ANO4: variants seen among roughly 807,000 people sequenced by gnomAD.
The protein encoded by ANO4 is anoctamin 4.
In ANO4, 69 loss-of-function variants were observed where a neutral mutation model predicts 141.9. That is an observed-to-expected ratio of 0.49 (90% CI 0.40 to 0.59). The LOEUF is 0.59. Among genes scored for constraint, ANO4 ranks in the 20% least tolerant of loss-of-function variants. ANO4 has a pLI of 0.00. For missense variants in ANO4, 894 were observed against 1,162.2 expected, an observed-to-expected ratio of 0.77 and a Z score of 3.36; for synonymous variants, 350 against 394.3, an observed-to-expected ratio of 0.89 and a Z score of 1.33.
At chr12:101,126,577 C>T (rs1336150111) in intron 26 of ANO4, among the ~76,000 whole-genome samples, 2 of 152,182 alleles carry the variant, frequency 1.3e-5, no homozygotes, top group African/African-American at 4.8e-5. Context: ...GCAGTGAAAG[C>T]TACCAGCTTC....
At chr12:101,092,176 A>C (rs1446272355) in intron 17 of ANO4, among the ~76,000 whole-genome samples, 1 of 152,168 alleles carries the variant, frequency 6.6e-6, no homozygotes, top group Non-Finnish European at 1.5e-5. Flanking sequence ...CAGCCATGCC[A>C]ATCTGAATCA....
intron 1 of ANO4, among the ~76,000 whole-genome samples, chr12:100,877,012 G>A (rs1229739364): frequency 1.3e-5 from 2 of 152,146 alleles, no homozygotes; most frequent in Non-Finnish European, 2.9e-5. Context: ...AATGAAATAA[G>A]CCAGGTACTG....
At chr12:100,730,802 T>TG (rs1439143746) in intron 1 of ANO4, among the ~76,000 whole-genome samples, 2 of 152,040 alleles carry the variant, frequency 1.3e-5, no homozygotes, top group Non-Finnish European at 2.9e-5. Flanking sequence ...CACATACACT[T>TG]GCTAGAATTA....
chr12:100,975,020 T>TA, intron 7 of ANO4, 131 bp downstream of exon 7: 1 of 1,036,952 alleles, frequency 9.6e-7, no homozygotes, highest in Non-Finnish European at 1.5e-6. Context: ...ATGCACATTT[T>TA]AAAATCAGCT....
intron 1 of ANO4, among the ~76,000 whole-genome samples, chr12:100,841,533 A>C (rs1402403281): frequency 2.0e-5 from 3 of 152,112 alleles, no homozygotes; most frequent in African/African-American, 7.2e-5. Flanking sequence ...TAGAATAATG[A>C]ATAGGGGGTT....
At position 100,922,321 on chromosome 12, in the gene ANO4, A is replaced by G; in HGVS notation, c.151A>G (p.Ile51Val). The G allele has an allele frequency of 6.5e-7, 1 of 1,527,248 alleles. No individual in the cohort carries two copies. Among genetic ancestry groups the G allele is most frequent in the Non-Finnish European group, 8.7e-7 (1 of 1,144,052 alleles). 94.6% of individuals were successfully genotyped at this position (1,527,248 alleles called of 1,614,324 possible). ...GGACTTTTCAGAGATTCTTAATGCA[A>G]TACAAGAAAGTAAGTTTCACTCAAA... is the stretch of plus-strand genomic sequence containing the variant. ...DVDFSEILNAIQEMAKDVNIL... is the reference protein window; with the variant it reads ...DVDFSEILNAVQEMAKDVNIL... The change falls in exon 3 of 28, where the codon ATA becomes GTA. Residue 51 changes from isoleucine to valine, a missense_variant. This residue lies in a region of ANO4 where 257 missense variants were observed against 253.0 expected (regional missense o/e 1.02). Transcript: ENST00000392977.
chr12:100,978,747 A>G (rs74400949), intron 7 of ANO4, among the ~76,000 whole-genome samples: 21,769 of 152,178 alleles, frequency 0.14, 1,774 homozygotes, highest in East Asian at 0.4. Context: ...AGTTGAGGAG[A>G]ATGAGGTTCT....
intron 16 of ANO4, among the ~76,000 whole-genome samples, chr12:101,086,103 T>TGTGTGC (rs963403410): frequency 6.6e-6 from 1 of 151,010 alleles, no homozygotes; most frequent in Non-Finnish European, 1.5e-5. Context: ...TGTGTGTGTG[T>TGTGTGC]GTGTGTGTGT....
intron 2 of ANO4, among the ~76,000 whole-genome samples, chr12:100,735,098 C>T (rs1312554978): frequency 6.6e-6 from 1 of 152,114 alleles, no homozygotes; most frequent in African/African-American, 2.4e-5. Context: ...CTGAGTTCAA[C>T]CCCCTGTGAA....
intron 1 of ANO4, among the ~76,000 whole-genome samples, chr12:100,890,660 C>T (rs980775611): frequency 6.6e-6 from 1 of 152,126 alleles, no homozygotes; most frequent in African/African-American, 2.4e-5. Context: ...TTTAGGTTCA[C>T]AGCAAAATTG....
intron 2 of ANO4, among the ~76,000 whole-genome samples, chr12:100,915,776 C>T (rs997270497): frequency 6.6e-6 from 1 of 152,008 alleles, no homozygotes; most frequent in Non-Finnish European, 1.5e-5. Flanking sequence ...TTTAGTTTCC[C>T]ATTTTTTCAA....
At chr12:100,764,636 CG>C (rs1293100930) in intron 3 of ANO4, among the ~76,000 whole-genome samples, 1 of 152,086 alleles carries the variant, frequency 6.6e-6, no homozygotes, top group Non-Finnish European at 1.5e-5. Flanking sequence ...GTGTGAGCAA[CG>C]GTATTTGTTT....
chr12:101,110,040 G>C (rs542960407), intron 22 of ANO4, among the ~76,000 whole-genome samples: 11 of 152,206 alleles, frequency 7.2e-5, no homozygotes, highest in Non-Finnish European at 1.3e-4. Context: ...CCCATCATTT[G>C]TTGAGCATTT....
At chr12:101,030,071 C>G (rs902089687) in intron 9 of ANO4, among the ~76,000 whole-genome samples, 1 of 152,032 alleles carries the variant, frequency 6.6e-6, no homozygotes, top group African/African-American at 2.4e-5. Context: ...GACAGATCAA[C>G]AAGGCAGAAA....
rs186522879 is a variant in ANO4 at position 100,735,723 on chromosome 12, C to T, written c.106+1866C>T. The stretch of plus-strand genomic sequence containing the variant: ...TCCCTGAGATTTTGCATCAGGGTGA[C>T]AGAGTCTGAGCTGTTCCCAGGAATG... On this transcript the variant is annotated intron_variant, in intron 2 of 29. Transcript: ENST00000644049. Among the ~76,000 whole-genome samples the T allele has an allele frequency of 2.6e-5, 4 of 152,184 alleles. No homozygotes were observed. In the East Asian group the frequency reaches 7.7e-4, roughly 29 times the overall value.
intron 1 of ANO4, among the ~76,000 whole-genome samples, chr12:100,859,882 ATGT>A (rs2135884711): frequency 6.6e-6 from 1 of 152,306 alleles, no homozygotes; most frequent in Admixed American, 6.5e-5. Flanking sequence ...ACAGATATTA[ATGT>A]TGTTAATATC....
chr12:101,007,125 G>C lies in ANO4; in HGVS notation c.735-12909G>C, dbSNP rs11830429. ...CCCAGCACTTTAGGAGGCCGAGGTG[G>C]GTGTATCACTTGAGGTCAAGAGTTC... is the stretch of plus-strand genomic sequence containing the variant. On this transcript the variant is annotated intron_variant, in intron 8 of 27. Coordinates refer to ENST00000392977, the MANE Select transcript of ANO4 (RefSeq NM_001286615.2). Among the ~76,000 whole-genome samples, 423 of 152,258 alleles carry C rather than the reference G, an allele frequency of 2.8e-3. 4 individuals are homozygous for C. The highest frequency in any genetic ancestry group is 9.5e-3 in the African/African-American group (393 of 41,530).
At chr12:100,772,756 C>T (rs894010749) in intron 3 of ANO4, among the ~76,000 whole-genome samples, 7 of 152,154 alleles carry the variant, frequency 4.6e-5, no homozygotes, top group Admixed American at 6.5e-5. Context: ...CAGAAGAAAC[C>T]TCCCAACCCC....
chr12:100,960,440 C>T (rs960733024), intron 5 of ANO4, among the ~76,000 whole-genome samples: 7 of 151,898 alleles, frequency 4.6e-5, no homozygotes, highest in Non-Finnish European at 5.9e-5. Context: ...ATAGACTATA[C>T]CGCTGTGTGC....
Sources: gnomAD v4.1 joint callset for allele counts (sites outside exome capture counted in the v4.1 genomes callset) on GRCh38, gnomAD v4.1.1 for gene constraint, gnomAD v4.1.1 regional missense constraint, MANE v1.5 for transcripts, NCBI Gene and HGNC (gene_info 2026-07-23, HGNC 2026-07-21) for gene names.